APOBEC3A: variants seen among roughly 807,000 people sequenced by gnomAD.
The protein encoded by APOBEC3A is apolipoprotein B mRNA editing enzyme catalytic subunit 3A, also known as DNA dC->dU-editing enzyme APOBEC-3A.
Under a neutral mutation model 23.0 loss-of-function variants are expected in APOBEC3A, and 13 were observed. The observed-to-expected ratio is 0.57, with a 90% confidence interval of 0.37 to 0.90. The LOEUF (loss-of-function observed/expected upper bound fraction) is 0.90, where lower values mean the gene tolerates loss of function less well. APOBEC3A is among the 40% of genes least tolerant of loss of function. APOBEC3A has a pLI of 0.01. For synonymous variants in APOBEC3A, 74 were observed against 101.3 expected, an observed-to-expected ratio of 0.73 and a Z score of 1.62; for missense variants, 179 against 264.9, an observed-to-expected ratio of 0.68 and a Z score of 2.25.
At chr22:38,959,868 A>C (rs1922797782) in intron 2 of APOBEC3A, among the ~76,000 whole-genome samples, 182 bp downstream of exon 2, 1 of 152,134 alleles carries the variant, frequency 6.6e-6, no homozygotes, top group Non-Finnish European at 1.5e-5. Flanking sequence ...ATCCATGCCC[A>C]GGTGGGGTTG....
intron 1 of APOBEC3A, 71 bp from the exon 2 acceptor site, chr22:38,959,471 G>C (rs1465839748): frequency 3.9e-6 from 6 of 1,557,102 alleles, no homozygotes; most frequent in Non-Finnish European, 5.3e-6. Context: ...AGGAAGTGTG[G>C]GGAGGGAGGA....
rs1404126696 is a variant in APOBEC3A, at chr22:38,962,130, C to A, written c.502C>A (p.His168Asn). The change falls in exon 4 of 5, where the codon CAC (histidine) becomes AAC (asparagine). Residue 168 changes from histidine (H) to asparagine (N), a missense_variant. By Grantham distance (68) the His-to-Asn change is moderately conservative. Transcript: ENST00000249116. The stretch of plus-strand genomic sequence containing the variant: ...GCACTGCTGGGACACCTTTGTGGAC[C>A]ACCAGGGATGTCCCTTCCAGCCCTG... ...FKHCWDTFVD[H>N]QGCPFQPWDG... 6.2e-7 allele frequency: 1 copy of A among 1,612,772 alleles called. No individual in the cohort carries two copies. Among genetic ancestry groups the A allele is most frequent in the East Asian group, 2.2e-5 (1 of 44,874 alleles).
chr22:38,960,447 C>T (rs1308794685), intron 2 of APOBEC3A, among the ~76,000 whole-genome samples: 1 of 152,228 alleles, frequency 6.6e-6, no homozygotes, highest in Non-Finnish European at 1.5e-5. Flanking sequence ...TCATCCACTC[C>T]ACCCTGCATC....
At chr22:38,962,293 G>A in intron 4 of APOBEC3A, 80 bp downstream of exon 4, 2 of 1,606,042 alleles carry the variant, frequency 1.2e-6, no homozygotes, top group Non-Finnish European at 1.7e-6. Context: ...CTTCCCCTCT[G>A]CTCAGAGCCT....
At chr22:38,958,769 C>CTCTT (rs55894125) in intron 1 of APOBEC3A, among the ~76,000 whole-genome samples, 3,194 of 109,414 alleles carry the variant, frequency 0.029, 130 homozygotes, top group Non-Finnish European at 0.041. Context: ...ATCTCTCTTT[C>CTCTT]TCTTTCTTTC....
Position 38,962,566 on chromosome 22 carries a change from A to G in APOBEC3A, c.*57A>G. On this transcript the variant is annotated 3_prime_UTR_variant, in exon 5 of 5. Transcript: ENST00000249116. Reference sequence around the variant, plus strand: ...GACCTGGGTTGAGCAGCAGAATAAAAGATCTTCTTCCAAGAAATGCAAACA... The same window carrying G: ...GACCTGGGTTGAGCAGCAGAATAAAGGATCTTCTTCCAAGAAATGCAAACA... The G allele has an allele frequency of 6.5e-7, 1 of 1,537,828 alleles. No individual in the cohort carries two copies. Among genetic ancestry groups the G allele is most frequent in the South Asian group, 1.2e-5 (1 of 81,406 alleles).
chr22:38,962,607 TCTC>T lies in APOBEC3A; in HGVS notation c.*100_*102del, dbSNP rs1174432477. ...AATGCAAACAGACCGTTCACCACCA[TCTC>T]CAGCTGCTCACAGACGCCAGCAAAG... On this transcript the variant is annotated 3_prime_UTR_variant, in exon 5 of 5. Coordinates refer to ENST00000249116, the MANE Select transcript of APOBEC3A (RefSeq NM_145699.4). 1 of 1,584,084 alleles carries T rather than the reference TCTC, an allele frequency of 6.3e-7. No individual in the cohort carries two copies. The highest frequency in any genetic ancestry group is 8.6e-7 in the Non-Finnish European group (1 of 1,166,500).
At position 38,962,791 on chromosome 22, in the gene APOBEC3A, T is replaced by G. The variant is rs1370968495; in HGVS notation, c.*282T>G. ...GGCTAACACGGTGAAACCCTGTCTC[T>G]ACTAAAAATACAAAAAATTAGCCAG... On this transcript the variant is annotated 3_prime_UTR_variant, in exon 5 of 5. Coordinates refer to ENST00000249116, the MANE Select transcript of APOBEC3A (RefSeq NM_145699.4). 1.4e-6 allele frequency: 1 copy of G among 719,624 alleles called. No individual in the cohort carries two copies. The highest frequency in any genetic ancestry group is 2.1e-6 in the Non-Finnish European group (1 of 485,282). 44.6% of individuals were successfully genotyped at this position (719,624 alleles called of 1,614,324 possible). A position where few individuals can be genotyped will look rare whatever the true frequency, so the allele number is the denominator to read the frequency against.
rs1922960402 is a variant in APOBEC3A at position 38,962,659 on chromosome 22, T to C, written c.*150T>C. 1 of 1,547,206 alleles carries C rather than the reference T, an allele frequency of 6.5e-7. No individual in the cohort carries two copies. On this transcript the variant is annotated 3_prime_UTR_variant, in exon 5 of 5. Coordinates refer to ENST00000249116, the MANE Select transcript of APOBEC3A (RefSeq NM_145699.4). ...AGCAGTATGCTCCCGATCAAGTAGATTTTTAAAAAATCAGAGTGGGCCGGG... is the reference window on the plus strand; with the variant it reads ...AGCAGTATGCTCCCGATCAAGTAGACTTTTAAAAAATCAGAGTGGGCCGGG...
At position 38,962,741 on chromosome 22, in the gene APOBEC3A, G is replaced by A. The variant is rs1447101374; in HGVS notation, c.*232G>A. ...TTGGAGGCCAAGGCGGGTGGATCACGAGGTCAGGAGATCGAGACCATCCTG... is the reference window on the plus strand; with the variant it reads ...TTGGAGGCCAAGGCGGGTGGATCACAAGGTCAGGAGATCGAGACCATCCTG... On this transcript the variant is annotated 3_prime_UTR_variant, in exon 5 of 5. Coordinates refer to ENST00000249116, the MANE Select transcript of APOBEC3A (RefSeq NM_145699.4). 164 of 1,063,384 alleles carry A rather than the reference G, an allele frequency of 1.5e-4. 7 individuals carry two copies. Among genetic ancestry groups the A allele is most frequent in the Non-Finnish European group, 1.8e-4 (135 of 765,540 alleles). 65.9% of individuals were successfully genotyped at this position (1,063,384 alleles called of 1,614,324 possible).
At chr22:38,959,418 A>C in intron 1 of APOBEC3A, 124 bp from the exon 2 acceptor site, 2 of 1,160,092 alleles carry the variant, frequency 1.7e-6, no homozygotes, top group Non-Finnish European at 2.5e-6. Flanking sequence ...GAAGTGTGCT[A>C]AGGGATGTGC....
intron 1 of APOBEC3A, among the ~76,000 whole-genome samples, chr22:38,957,977 C>T (rs1239035767): frequency 6.6e-6 from 1 of 151,420 alleles, no homozygotes; most frequent in Non-Finnish European, 1.5e-5. Flanking sequence ...GATAATGGTG[C>T]TGTGCCCCAG....
At chr22:38,960,883 C>T (rs897891436) in intron 2 of APOBEC3A, among the ~76,000 whole-genome samples, 3 of 151,784 alleles carry the variant, frequency 2.0e-5, no homozygotes, top group African/African-American at 7.3e-5. Context: ...GCTCCGCCGG[C>T]CCCTCCTCCC....
chr22:38,958,052 T>G (rs924302156), intron 1 of APOBEC3A, among the ~76,000 whole-genome samples: 2 of 152,232 alleles, frequency 1.3e-5, no homozygotes, highest in Non-Finnish European at 2.9e-5. Flanking sequence ...TACTATTTCT[T>G]GCAAATGTTC....
At chr22:38,958,759 A>C (rs1364728257) in intron 1 of APOBEC3A, among the ~76,000 whole-genome samples, 17 of 75,688 alleles carry the variant, frequency 2.2e-4, no homozygotes, top group Admixed American at 7.4e-4. Context: ...TCCTTCCTCC[A>C]TCTCTCTTTC....
intron 2 of APOBEC3A, among the ~76,000 whole-genome samples, chr22:38,960,618 A>G (rs1922836794): frequency 6.6e-6 from 1 of 152,236 alleles, no homozygotes; most frequent in African/African-American, 2.4e-5. Flanking sequence ...AATGACAATT[A>G]TACCATGTCA....
chr22:38,958,740 T>G, intron 1 of APOBEC3A, among the ~76,000 whole-genome samples: 1 of 138,280 alleles, frequency 7.2e-6, no homozygotes, highest in Non-Finnish European at 1.5e-5. Flanking sequence ...CCTCCCTCCC[T>G]CCCTTCCTTC....
chr22:38,962,045 G>T, intron 3 of APOBEC3A, 53 bp from the exon 4 acceptor site: 1 of 1,573,426 alleles, frequency 6.4e-7, no homozygotes, highest in East Asian at 2.2e-5. Context: ...GGCCCTAGGT[G>T]CCACCCCGAT....
Position 38,962,945 on chromosome 22 carries a change from C to A in APOBEC3A, c.*436C>A, listed in dbSNP as rs1249256539. 3.4e-5 allele frequency: 6 copies of A among 176,354 alleles called. No individual in the cohort carries two copies. The highest frequency in any genetic ancestry group is 5.1e-5 in the African/African-American group (2 of 39,586). The allele number at this position is 176,354 out of a possible 1,614,324, so 10.9% of individuals were successfully genotyped here. ...TGCACTCCAGCCTGGGCGACAGTAC[C>A]AGACTCCATCTCAAAAAAAAAAAAA... On this transcript the variant is annotated 3_prime_UTR_variant, in exon 5 of 5. Transcript: ENST00000249116.
Sources: allele counts gnomAD v4.1 joint callset (sites outside exome capture counted in the v4.1 genomes callset), GRCh38; gene constraint gnomAD v4.1.1; transcripts MANE v1.5; gene names NCBI Gene and HGNC (gene_info 2026-07-23, HGNC 2026-07-21).